The following GRM5 variants were observed in gnomAD, a reference collection of about 807,000 sequenced individuals.
GRM5 encodes the protein glutamate metabotropic receptor 5.
A neutral mutation model predicts 83.1 loss-of-function variants in GRM5; 19 were observed. The observed-to-expected ratio is 0.23, with a 90% confidence interval of 0.16 to 0.34. The LOEUF (loss-of-function observed/expected upper bound fraction) is 0.34. Among genes scored for constraint, GRM5 ranks in the 10% least tolerant of loss-of-function variants. The pLI is 1.00. For synonymous variants in GRM5, 675 were observed against 633.6 expected, an observed-to-expected ratio of 1.07 and a Z score of -0.98; for missense variants, 1,160 against 1,588.3, an observed-to-expected ratio of 0.73 and a Z score of 4.58.
chr11:88,881,829 T>A (rs1944958675), intron 2 of GRM5, among the ~76,000 whole-genome samples: 1 of 152,184 alleles, frequency 6.6e-6, no homozygotes, highest in Non-Finnish European at 1.5e-5. Flanking sequence ...TATTTAAAAA[T>A]TTTGAATACA....
chr11:88,697,472 G>T (rs1006943537), intron 3 of GRM5, among the ~76,000 whole-genome samples: 3 of 152,144 alleles, frequency 2.0e-5, no homozygotes, highest in African/African-American at 7.2e-5. Flanking sequence ...TACTACAAAT[G>T]GATACCTGTA....
intron 2 of GRM5, among the ~76,000 whole-genome samples, chr11:88,858,090 C>T (rs1166904009): frequency 6.6e-6 from 1 of 152,068 alleles, no homozygotes; most frequent in Admixed American, 6.6e-5. Flanking sequence ...CTTTCTATAA[C>T]ACGACCCATA....
intron 3 of GRM5, among the ~76,000 whole-genome samples, chr11:88,812,916 ATC>A (rs1943611112): frequency 6.6e-6 from 1 of 152,026 alleles, no homozygotes; most frequent in Non-Finnish European, 1.5e-5. Flanking sequence ...AGGCCTCTCA[ATC>A]TCTGTCTATG....
At chr11:88,534,336 A>G (rs995323949) in intron 8 of GRM5, among the ~76,000 whole-genome samples, 2 of 152,178 alleles carry the variant, frequency 1.3e-5, no homozygotes, top group African/African-American at 4.8e-5. Context: ...GGGAGGCTGT[A>G]CTCTTCAAAG....
intron 3 of GRM5, among the ~76,000 whole-genome samples, chr11:88,676,235 C>A (rs995526567): frequency 6.6e-6 from 1 of 151,996 alleles, no homozygotes; most frequent in South Asian, 2.1e-4. Context: ...TGGAGCCCCA[C>A]TCTCAGCACT....
chr11:88,745,181 T>C (rs1942107761), intron 3 of GRM5, among the ~76,000 whole-genome samples: 1 of 52,942 alleles, frequency 1.9e-5, no homozygotes, highest in Non-Finnish European at 3.7e-5. Flanking sequence ...TCCTAATTTT[T>C]TTTTCTTTTT....
rs1805296687 is a variant in GRM5 at position 88,505,295 on chromosome 11, A to G, written c.*3297T>C. 1 of 152,192 alleles carries G rather than the reference A, an allele frequency of 6.6e-6. No homozygotes were observed. Among genetic ancestry groups the G allele is most frequent in the Non-Finnish European group, 1.5e-5 (1 of 68,010 alleles). 9.4% of individuals were successfully genotyped at this position (152,192 alleles called of 1,614,324 possible). ...CCTTTGAAGTCTCCAAAACATGTACATTTTACTGGGAGACTAGCATAGGAA... is the reference window on the plus strand; with the variant it reads ...CCTTTGAAGTCTCCAAAACATGTACGTTTTACTGGGAGACTAGCATAGGAA... On this transcript the variant is annotated 3_prime_UTR_variant, in exon 10 of 10. Transcript: ENST00000305447.
At chr11:88,607,218 C>T (rs985204560) in intron 4 of GRM5, among the ~76,000 whole-genome samples, 2 of 152,214 alleles carry the variant, frequency 1.3e-5, no homozygotes, top group Non-Finnish European at 2.9e-5. Context: ...CTTCCCCACA[C>T]AGACTGGATT....
chr11:88,809,875 A>C (rs1253930873), intron 3 of GRM5, among the ~76,000 whole-genome samples: 1 of 152,228 alleles, frequency 6.6e-6, no homozygotes, highest in East Asian at 1.9e-4. Context: ...TAGTTAATTT[A>C]GCATAAATAT....
chr11:88,984,096 G>A (rs1372687731), intron 2 of GRM5, among the ~76,000 whole-genome samples: 5 of 151,970 alleles, frequency 3.3e-5, no homozygotes, highest in African/African-American at 1.2e-4. Context: ...GTTTATTATT[G>A]TAAAAAGGTG....
At chr11:88,564,384 C>T (rs1051159252) in intron 8 of GRM5, among the ~76,000 whole-genome samples, 37 of 152,114 alleles carry the variant, frequency 2.4e-4, no homozygotes, top group African/African-American at 8.4e-4. Flanking sequence ...AAATTTGTTG[C>T]TTTTGTTTGT....
intron 3 of GRM5, among the ~76,000 whole-genome samples, chr11:88,769,128 T>C (rs1942679720): frequency 6.6e-6 from 1 of 152,042 alleles, no homozygotes; most frequent in African/African-American, 2.4e-5. Flanking sequence ...TTCTGATATA[T>C]AAATATTCCT....
At chr11:88,607,615 C>T (rs559818836) in intron 4 of GRM5, among the ~76,000 whole-genome samples, 51 of 152,312 alleles carry the variant, frequency 3.3e-4, no homozygotes, top group African/African-American at 1.2e-3. Flanking sequence ...TTGCAATGGC[C>T]TTCAAAGACA....
At chr11:88,919,654 A>G (rs1460469189) in intron 2 of GRM5, among the ~76,000 whole-genome samples, 1 of 152,028 alleles carries the variant, frequency 6.6e-6, no homozygotes, top group Admixed American at 6.6e-5. Context: ...TTAGGCCACA[A>G]AACAAGACTC....
rs201996144 is a variant in GRM5 at position 88,902,950 on chromosome 11, C to CAA, written c.662-52797_662-52796dup. 5.4e-3 allele frequency among the ~76,000 whole-genome samples: 334 copies of CAA among 61,830 alleles called. 58 individuals carry two copies. The highest frequency in any genetic ancestry group is 0.026 in the African/African-American group (234 of 8,856). 40.6% of individuals were successfully genotyped at this position (61,830 alleles called of 152,430 possible). A position where few individuals can be genotyped will look rare whatever the true frequency, so the allele number is the denominator to read the frequency against. On this transcript the variant is annotated intron_variant, in intron 2 of 9. Transcript: ENST00000305447. ...TGGGCGACAGACCAAGACTCCATCT[C>CAA]AAAAAAAAAAAAAAAAAAAAAAAAA...
chr11:88,959,934 A>G (rs1565310212), intron 2 of GRM5, among the ~76,000 whole-genome samples: 1 of 152,212 alleles, frequency 6.6e-6, no homozygotes. Flanking sequence ...TGTTTTCCAT[A>G]GAACATTTTA....
At chr11:88,680,516 T>A (rs1256477600) in intron 3 of GRM5, among the ~76,000 whole-genome samples, 1 of 152,182 alleles carries the variant, frequency 6.6e-6, no homozygotes, top group Non-Finnish European at 1.5e-5. Context: ...ATAGGAACAC[T>A]TTTACACTGT....
At chr11:88,825,162 A>G (rs1943872951) in intron 3 of GRM5, among the ~76,000 whole-genome samples, 2 of 151,464 alleles carry the variant, frequency 1.3e-5, no homozygotes, top group Non-Finnish European at 2.9e-5. Flanking sequence ...TGGCTATTTA[A>G]CTTATGCTAA....
chr11:88,992,220 A>G (rs1296390590), intron 2 of GRM5, among the ~76,000 whole-genome samples: 1 of 152,216 alleles, frequency 6.6e-6, no homozygotes, highest in African/African-American at 2.4e-5. Context: ...ATGAACAGAC[A>G]CTTCTCAAAA....
Sources: allele counts gnomAD v4.1 joint callset (sites outside exome capture counted in the v4.1 genomes callset), GRCh38; gene constraint gnomAD v4.1.1; transcripts MANE v1.5; gene names NCBI Gene and HGNC (gene_info 2026-07-23, HGNC 2026-07-21).